The following TEX11 variants were observed in gnomAD, a reference collection of about 807,000 sequenced individuals.
TEX11 encodes the protein testis-expressed protein 11.
In TEX11, 7 loss-of-function variants were observed where a neutral mutation model predicts 84.4. The ratio of observed to expected loss-of-function variants is 0.08; its 90% CI spans 0.05 to 0.16. The LOEUF is 0.16. Among genes scored for constraint, TEX11 ranks in the 10% least tolerant of loss-of-function variants. The pLI is 1.00. For missense variants in TEX11, 551 were observed against 660.5 expected (o/e 0.83, Z 1.82); for synonymous variants, 264 against 222.8 (o/e 1.18, Z -1.64).
At chrX:70,771,114 A>G (rs1017897688) in intron 9 of TEX11, among the ~76,000 whole-genome samples, 14 of 112,454 alleles carry the variant, frequency 1.2e-4, no homozygotes, top group Non-Finnish European at 2.3e-4. Flanking sequence ...AGATAATATA[A>G]ACTGTAACCA....
intron 9 of TEX11, among the ~76,000 whole-genome samples, chrX:70,762,544 C>T (rs759897266): frequency 9.0e-6 from 1 of 110,609 alleles, no homozygotes; most frequent in East Asian, 2.9e-4. Context: ...GAGCACGAAC[C>T]CTATTGTGAA....
intron 25 of TEX11, among the ~76,000 whole-genome samples, chrX:70,569,853 G>A (rs754753951): frequency 1.7e-3 from 185 of 111,710 alleles, no homozygotes; most frequent in African/African-American, 5.3e-3. Context: ...CTCGGGGGTC[G>A]GTGTCAGGGA....
intron 9 of TEX11, among the ~76,000 whole-genome samples, chrX:70,749,358 C>T (rs2147754740): frequency 9.1e-6 from 1 of 110,212 alleles, no homozygotes; most frequent in South Asian, 4.0e-4. Flanking sequence ...ACAATCATGT[C>T]GTCTGCAAAC....
At chrX:70,579,073 A>G (rs1285591020) in intron 25 of TEX11, among the ~76,000 whole-genome samples, 1 of 110,924 alleles carries the variant, frequency 9.0e-6, no homozygotes, top group Non-Finnish European at 1.9e-5. Context: ...TGAACTTTTA[A>G]TACTAAAATG....
chrX:70,744,881 T>G (rs780314595), intron 9 of TEX11, among the ~76,000 whole-genome samples: 1 of 108,459 alleles, frequency 9.2e-6, no homozygotes, highest in African/African-American at 3.3e-5. Flanking sequence ...TGGCTAATTT[T>G]TTTTTTTTTT....
chrX:70,830,512 G>A (rs1859381688), intron 8 of TEX11, among the ~76,000 whole-genome samples: 1 of 112,006 alleles, frequency 8.9e-6, no homozygotes, highest in South Asian at 3.7e-4. Context: ...ACAATCAACA[G>A]AGTGAAGAGA....
chrX:70,731,873 T>G (rs1367590180), intron 11 of TEX11, among the ~76,000 whole-genome samples: 1 of 111,144 alleles, frequency 9.0e-6, no homozygotes, highest in Admixed American at 9.6e-5. Context: ...TAGACCAATA[T>G]CCCTGATGAA....
At chrX:70,676,922 T>C (rs1240804652) in intron 15 of TEX11, among the ~76,000 whole-genome samples, 1 of 112,059 alleles carries the variant, frequency 8.9e-6, no homozygotes, top group Non-Finnish European at 1.9e-5. Flanking sequence ...AAGTTTGATT[T>C]GGGTCTTTAC....
At chrX:70,560,833 T>C (rs1044860669) in intron 25 of TEX11, among the ~76,000 whole-genome samples, 3 of 105,675 alleles carry the variant, frequency 2.8e-5, no homozygotes, top group Middle Eastern at 4.6e-3. Context: ...AGTGATCTTC[T>C]TGCCTCAGCC....
At chrX:70,824,188 AC>A (rs1458941775) in intron 8 of TEX11, among the ~76,000 whole-genome samples, 1 of 111,546 alleles carries the variant, frequency 9.0e-6, no homozygotes, top group African/African-American at 3.3e-5. Context: ...TAAAGGAAGA[AC>A]ACCAGAATTC....
chrX:70,849,443 C>T (rs185646438), intron 7 of TEX11, among the ~76,000 whole-genome samples: 1,822 of 111,737 alleles, frequency 0.016, 22 homozygotes, highest in Non-Finnish European at 0.027. Flanking sequence ...TTGCATTATT[C>T]CACAAAACCT....
At chrX:70,624,151 T>C in intron 19 of TEX11, 145 bp from the exon 20 acceptor site, 1 of 303,566 alleles carries the variant, frequency 3.3e-6, no homozygotes, top group Non-Finnish European at 5.8e-6. Context: ...TCTTATTTAA[T>C]TTATATATAT....
chrX:70,724,198 T>A (rs978510635), intron 12 of TEX11: 17 of 751,798 alleles, frequency 2.3e-5, no homozygotes, highest in Non-Finnish European at 2.5e-5. Flanking sequence ...TTATTTTAGT[T>A]GGTTAGTTGG....
chrX:70,776,082 A>G (rs1165062485), intron 9 of TEX11, among the ~76,000 whole-genome samples: 1 of 109,347 alleles, frequency 9.1e-6, no homozygotes, highest in Non-Finnish European at 1.9e-5. Flanking sequence ...TAATAGAACT[A>G]TATATGATAT....
At chrX:70,822,280 C>T (rs771628574) in intron 8 of TEX11, among the ~76,000 whole-genome samples, 1 of 110,777 alleles carries the variant, frequency 9.0e-6, no homozygotes, top group Non-Finnish European at 1.9e-5. Flanking sequence ...GATGTGGAAC[C>T]CAGGGTCACA....
intron 2 of TEX11, among the ~76,000 whole-genome samples, chrX:70,894,423 C>T (rs769756740): frequency 1.8e-5 from 2 of 110,211 alleles, no homozygotes; most frequent in African/African-American, 6.6e-5. Flanking sequence ...GTCAAGAGAT[C>T]GAGACCATCC....
chrX:70,671,296 G>A (rs1225307726), intron 15 of TEX11, among the ~76,000 whole-genome samples: 1 of 111,165 alleles, frequency 9.0e-6, no homozygotes, highest in Non-Finnish European at 1.9e-5. Context: ...TGATTCCCTT[G>A]TACCCTATCA....
chrX:70,706,584 C>G (rs761555691), intron 13 of TEX11, among the ~76,000 whole-genome samples: 1 of 111,023 alleles, frequency 9.0e-6, no homozygotes, highest in Non-Finnish European at 1.9e-5. Flanking sequence ...TCTAACCCCC[C>G]CTTTTATGGT....
At chrX:70,747,647 A>G (rs1178245212) in intron 9 of TEX11, among the ~76,000 whole-genome samples, 1 of 112,226 alleles carries the variant, frequency 8.9e-6, no homozygotes, top group Admixed American at 9.5e-5. Context: ...TTTTATAATT[A>G]CGTCCAAAGA....
Sources: gnomAD v4.1 joint callset for allele counts (sites outside exome capture counted in the v4.1 genomes callset) on GRCh38, gnomAD v4.1.1 for gene constraint, MANE v1.5 for transcripts, NCBI Gene and HGNC (gene_info 2026-07-23, HGNC 2026-07-21) for gene names.